The following BBX variants were observed in gnomAD, a reference collection of about 807,000 sequenced individuals.
The protein encoded by BBX is BBX high mobility group box domain containing, also known as HMG box transcription factor BBX.
In BBX, 30 loss-of-function variants were observed where a neutral mutation model predicts 100.2. The observed-to-expected ratio is 0.30, with a 90% confidence interval of 0.22 to 0.41. BBX has a LOEUF of 0.41. Ranked by LOEUF, BBX falls within the 10% of genes least tolerant of loss-of-function variation. The pLI is 1.00. For synonymous variants in BBX, 376 were observed against 388.1 expected (o/e 0.97, Z 0.37); for missense variants, 1,023 against 1,129.8 (o/e 0.91, Z 1.35).
intron 13 of BBX, among the ~76,000 whole-genome samples, chr3:107,782,947 A>C (rs982073132): frequency 2.0e-5 from 3 of 152,072 alleles, no homozygotes; most frequent in Non-Finnish European, 4.4e-5. Flanking sequence ...AGTTGTGAAT[A>C]TTTGTTTTCT....
At chr3:107,536,583 G>A (rs1317568420) in intron 2 of BBX, among the ~76,000 whole-genome samples, 3 of 152,064 alleles carry the variant, frequency 2.0e-5, no homozygotes, top group African/African-American at 4.8e-5. Flanking sequence ...GTTGGTAAAC[G>A]GAAATAAGTT....
At chr3:107,614,423 AC>A (rs1161695831) in intron 2 of BBX, among the ~76,000 whole-genome samples, 2 of 147,826 alleles carry the variant, frequency 1.4e-5, no homozygotes, top group African/African-American at 2.5e-5. Flanking sequence ...CTTCACCCCC[AC>A]CCCCCCAAAA....
intron 3 of BBX, among the ~76,000 whole-genome samples, chr3:107,651,144 C>T (rs758869633): frequency 6.6e-6 from 1 of 152,070 alleles, no homozygotes; most frequent in African/African-American, 2.4e-5. Flanking sequence ...GAATTTGGAG[C>T]GGGACACAAT....
At chr3:107,670,666 TTA>T (rs1342855554) in intron 3 of BBX, among the ~76,000 whole-genome samples, 1 of 152,182 alleles carries the variant, frequency 6.6e-6, no homozygotes, top group Non-Finnish European at 1.5e-5. Flanking sequence ...AGAAAACTTT[TTA>T]GTTTCATATT....
chr3:107,533,839 T>C (rs1368176485), intron 2 of BBX, among the ~76,000 whole-genome samples: 5 of 152,160 alleles, frequency 3.3e-5, no homozygotes, highest in Non-Finnish European at 7.4e-5. Flanking sequence ...TTTCCATCTA[T>C]CAGGAAAATA....
At chr3:107,716,873 C>T in intron 5 of BBX, 24 bp downstream of exon 5, 2 of 1,607,170 alleles carry the variant, frequency 1.2e-6, no homozygotes, top group South Asian at 2.2e-5. Context: ...ACAAGGTATT[C>T]TGATAGCTAA....
At position 107,704,224 on chromosome 3, in the gene BBX, A is replaced by C. The variant is rs1386893814; in HGVS notation, c.-9-6228A>C. On this transcript the variant is annotated intron_variant, in intron 3 of 17. Transcript: ENST00000325805. ...ATTTAATAAATGTTAGTTGCATATC[A>C]GAATTTTAAAAAAAATTTAGGAGCA... 2.0e-5 allele frequency among the ~76,000 whole-genome samples: 3 copies of C among 152,224 alleles called. No individual in the cohort carries two copies. The East Asian group carries it at 5.8e-4, about 29-fold the overall frequency.
At chr3:107,775,493 A>G (rs2067248440) in intron 12 of BBX, among the ~76,000 whole-genome samples, 1 of 152,160 alleles carries the variant, frequency 6.6e-6, no homozygotes. Flanking sequence ...GTATTTTGTT[A>G]GTTAGGAGAT....
At chr3:107,566,737 C>A (rs2050946790) in intron 2 of BBX, among the ~76,000 whole-genome samples, 1 of 151,746 alleles carries the variant, frequency 6.6e-6, no homozygotes, top group Admixed American at 6.6e-5. Context: ...TCTTACTGTT[C>A]TTTTCTAATG....
At chr3:107,772,552 A>T in intron 10 of BBX, 76 bp from the exon 11 acceptor site, 1 of 1,408,956 alleles carries the variant, frequency 7.1e-7, no homozygotes, top group Non-Finnish European at 9.5e-7. Context: ...AACAGATATA[A>T]TTGAAAACTT....
At chr3:107,713,958 A>G (rs577679530) in intron 4 of BBX, among the ~76,000 whole-genome samples, 1,887 of 135,792 alleles carry the variant, frequency 0.014, 26 homozygotes, top group Non-Finnish European at 0.022. Context: ...TTTTTTTAAT[A>G]ATTTTTTTCT....
intron 3 of BBX, among the ~76,000 whole-genome samples, chr3:107,691,782 A>G (rs942427337): frequency 6.6e-6 from 1 of 152,240 alleles, no homozygotes; most frequent in Non-Finnish European, 1.5e-5. Context: ...ACCTACCTTT[A>G]TGTAATTTGT....
intron 2 of BBX, among the ~76,000 whole-genome samples, chr3:107,641,634 T>G (rs2057220711): frequency 6.6e-6 from 1 of 152,222 alleles, no homozygotes; most frequent in East Asian, 1.9e-4. Context: ...AAGACATGTT[T>G]GCCTTTATTA....
chr3:107,675,741 C>G (rs2059248273), intron 3 of BBX, among the ~76,000 whole-genome samples: 1 of 152,138 alleles, frequency 6.6e-6, no homozygotes, highest in South Asian at 2.1e-4. Flanking sequence ...GGTCAAGAGA[C>G]CCAGAGCTTA....
At chr3:107,766,182 G>C (rs1377416489) in intron 10 of BBX, among the ~76,000 whole-genome samples, 1 of 152,204 alleles carries the variant, frequency 6.6e-6, no homozygotes, top group Non-Finnish European at 1.5e-5. Flanking sequence ...GAGAATGTCT[G>C]TCTGTCTCTC....
chr3:107,805,027 T>TA lies in BBX; in HGVS notation c.2739-340dup, dbSNP rs527787426. Among the ~76,000 whole-genome samples the TA allele has an allele frequency of 2.5e-4, 38 of 152,310 alleles. No individual in the cohort carries two copies. The East Asian group carries it at 6.0e-3, about 24-fold the overall frequency. On this transcript the variant is annotated intron_variant, in intron 17 of 17. Transcript: ENST00000325805. Reference sequence around the variant, plus strand: ...CCTTGATTGAAATTTTCCCACTTCTTAAAGAGTTGCCCCAAATCTGTTGGT... The same window carrying TA: ...CCTTGATTGAAATTTTCCCACTTCTTAAAAGAGTTGCCCCAAATCTGTTGGT...
intron 5 of BBX, among the ~76,000 whole-genome samples, chr3:107,719,200 T>C (rs17206274): frequency 0.11 from 16,773 of 151,986 alleles, 1,256 homozygotes; most frequent in Non-Finnish European, 0.15. Context: ...TTAAAACTCT[T>C]TTTAGATGTG....
chr3:107,625,822 T>A (rs1464714877), intron 2 of BBX, among the ~76,000 whole-genome samples: 1 of 152,218 alleles, frequency 6.6e-6, no homozygotes, highest in Non-Finnish European at 1.5e-5. Flanking sequence ...TTTTATTTTA[T>A]ATGTAATTTC....
At chr3:107,771,034 A>G (rs2066865474) in intron 10 of BBX, among the ~76,000 whole-genome samples, 1 of 152,140 alleles carries the variant, frequency 6.6e-6, no homozygotes, top group Non-Finnish European at 1.5e-5. Context: ...TTGATTTTGC[A>G]TTGACTCAGC....
Sources: gnomAD v4.1 joint callset for allele counts (sites outside exome capture counted in the v4.1 genomes callset) on GRCh38, gnomAD v4.1.1 for gene constraint, MANE v1.5 for transcripts, NCBI Gene and HGNC (gene_info 2026-07-23, HGNC 2026-07-21) for gene names.